The following TAF3 variants were observed in gnomAD, a reference collection of about 807,000 sequenced individuals.
TAF3 encodes the protein TATA-box binding protein associated factor 3, also known as transcription initiation factor TFIID subunit 3.
TAF3 carries 7 observed loss-of-function variants against 80.6 expected under a neutral mutation model. That is an observed-to-expected ratio of 0.09 (90% CI 0.05 to 0.16). TAF3 has a LOEUF of 0.16. Among genes scored for constraint, TAF3 ranks in the 10% least tolerant of loss-of-function variants. TAF3 has a pLI of 1.00. For missense variants in TAF3, 921 were observed against 1,140.2 expected, an observed-to-expected ratio of 0.81 and a Z score of 2.77; for synonymous variants, 444 against 446.1, an observed-to-expected ratio of 1.00 and a Z score of 0.06.
intron 2 of TAF3, among the ~76,000 whole-genome samples, chr10:7,952,662 A>T (rs1365757600): frequency 6.6e-6 from 1 of 152,178 alleles, no homozygotes; most frequent in East Asian, 1.9e-4. Context: ...GTGAAATAGT[A>T]CTTTTTTACA....
At chr10:7,985,305 C>T (rs1026723384) in intron 4 of TAF3, among the ~76,000 whole-genome samples, 7 of 152,130 alleles carry the variant, frequency 4.6e-5, no homozygotes, top group Non-Finnish European at 7.4e-5. Flanking sequence ...TATGGTCAGC[C>T]CTCCTCAGCT....
intron 2 of TAF3, among the ~76,000 whole-genome samples, chr10:7,939,423 C>A (rs932877842): frequency 6.6e-6 from 1 of 152,044 alleles, no homozygotes; most frequent in Admixed American, 6.6e-5. Context: ...ACAATGTAGC[C>A]CGCCAGTTAG....
intron 4 of TAF3, among the ~76,000 whole-genome samples, chr10:7,992,169 C>T (rs368329849): frequency 3.3e-5 from 5 of 152,110 alleles, no homozygotes; most frequent in East Asian, 3.9e-4. Flanking sequence ...GTAAAAGCAC[C>T]CTCTTGTTTG....
At chr10:7,861,914 A>T (rs1837152157) in intron 2 of TAF3, among the ~76,000 whole-genome samples, 1 of 151,692 alleles carries the variant, frequency 6.6e-6, no homozygotes, top group African/African-American at 2.4e-5. Flanking sequence ...TCCTTCTGAG[A>T]CGCCAATTAA....
chr10:7,861,160 T>C (rs1372301771), intron 2 of TAF3, among the ~76,000 whole-genome samples: 1 of 152,122 alleles, frequency 6.6e-6, no homozygotes, highest in East Asian at 1.9e-4. Flanking sequence ...GAGATTGGGT[T>C]TCACTGTGTT....
At chr10:7,924,496 A>T (rs577936046) in intron 2 of TAF3, among the ~76,000 whole-genome samples, 1 of 152,184 alleles carries the variant, frequency 6.6e-6, no homozygotes, top group Non-Finnish European at 1.5e-5. Flanking sequence ...AATAACAAAC[A>T]TCAAAGTCAA....
chr10:7,949,448 G>A (rs1838060107), intron 2 of TAF3, among the ~76,000 whole-genome samples: 1 of 152,226 alleles, frequency 6.6e-6, no homozygotes, highest in Non-Finnish European at 1.5e-5. Flanking sequence ...TAGGGCAACA[G>A]CCAAGCAGGC....
chr10:7,995,131 T>C (rs973216367), intron 4 of TAF3, among the ~76,000 whole-genome samples: 7 of 152,214 alleles, frequency 4.6e-5, no homozygotes, highest in South Asian at 4.2e-4. Context: ...AGTTAAAGAC[T>C]AAGGTTTTTT....
intron 2 of TAF3, among the ~76,000 whole-genome samples, chr10:7,868,408 A>G (rs1156561800): frequency 6.6e-6 from 1 of 151,414 alleles, no homozygotes; most frequent in African/African-American, 2.4e-5. Context: ...GGTCAAGTCT[A>G]GTGACCATCA....
intron 2 of TAF3, among the ~76,000 whole-genome samples, chr10:7,908,132 T>C (rs554634455): frequency 3.3e-5 from 5 of 152,342 alleles, no homozygotes; most frequent in Admixed American, 6.5e-5. Context: ...CCTTCTCCAT[T>C]GCCATTTCCT....
In TAF3 at chr10:7,844,387, T is replaced by C. The variant is rs906135948; in HGVS notation, c.409+19827T>C. ...TCTTCTTCTTCTTGTTCTTTTTTTTTTTTTTTTTGAGACGGAGTCTTGCTC... is the reference window on the plus strand; with the variant it reads ...TCTTCTTCTTCTTGTTCTTTTTTTTCTTTTTTTTGAGACGGAGTCTTGCTC... On this transcript the variant is annotated intron_variant, in intron 2 of 6. Coordinates refer to ENST00000344293, the MANE Select transcript of TAF3 (RefSeq NM_031923.4). 1.4e-4 allele frequency among the ~76,000 whole-genome samples: 21 copies of C among 150,652 alleles called. No homozygotes were observed. The East Asian group carries it at 3.3e-3, about 24-fold the overall frequency.
rs1023833870 is a variant in TAF3 at position 7,902,411 on chromosome 10, G to GA, written c.410-61506dup. Reference sequence around the variant, plus strand: ...GCACTCTAGCCTGGGCAACAAGAGCGAAACTCTGTCTTAAAAAAAAATAAT... The same window carrying GA: ...GCACTCTAGCCTGGGCAACAAGAGCGAAAACTCTGTCTTAAAAAAAAATAAT... On this transcript the variant is annotated intron_variant, in intron 2 of 6. Transcript: ENST00000344293. Among the ~76,000 whole-genome samples the GA allele has an allele frequency of 4.6e-5, 7 of 151,874 alleles. No individual in the cohort carries two copies. The South Asian group carries it at 6.2e-4, about 14-fold the overall frequency.
intron 2 of TAF3, among the ~76,000 whole-genome samples, chr10:7,848,491 A>G (rs1347988464): frequency 6.6e-6 from 1 of 152,182 alleles, no homozygotes; most frequent in African/African-American, 2.4e-5. Flanking sequence ...TATTACCTGT[A>G]TATGGAGCCC....
In TAF3 at chr10:8,014,731, A is replaced by G. The variant is rs1192104178; in HGVS notation, c.2770A>G (p.Arg924Gly). ...NKKKDKKHKK[R>G]KHRAH The stretch of plus-strand genomic sequence containing the variant: ...GAAGAAGGACAAAAAGCACAAGAAG[A>G]GGAAGCATCGAGCCCACTGACGACT... The change falls in exon 7 of 7, where the codon AGG (arginine) becomes GGG (glycine). Residue 924 changes from arginine (R) to glycine (G), a missense_variant. By Grantham distance (125) the Arg-to-Gly change is moderately radical. Around this residue, in one of 6 missense-constraint regions of TAF3, gnomAD observed 29 missense variants for 20.3 expected, o/e 1.43. Coordinates refer to ENST00000344293, the MANE Select transcript of TAF3 (RefSeq NM_031923.4). 1.9e-6 allele frequency: 3 copies of G among 1,602,764 alleles called. No individual in the cohort carries two copies. The highest frequency in any genetic ancestry group is 2.3e-5 in the East Asian group (1 of 44,300).
At chr10:7,823,133 AC>A (rs1441837203) in intron 1 of TAF3, among the ~76,000 whole-genome samples, 6 of 152,028 alleles carry the variant, frequency 3.9e-5, no homozygotes, top group African/African-American at 1.4e-4. Context: ...CAAAAACCAA[AC>A]TTTTATGATC....
At chr10:7,959,095 G>A (rs911429720) in intron 2 of TAF3, among the ~76,000 whole-genome samples, 2 of 151,750 alleles carry the variant, frequency 1.3e-5, no homozygotes, top group East Asian at 1.9e-4. Flanking sequence ...AGCTGAGACC[G>A]TGCCATTGCA....
chr10:7,887,241 A>G (rs1176497270), intron 2 of TAF3, among the ~76,000 whole-genome samples: 1 of 151,814 alleles, frequency 6.6e-6, no homozygotes, highest in African/African-American at 2.4e-5. Flanking sequence ...TTAAAAAAAA[A>G]AAAAAAAGAA....
intron 4 of TAF3, among the ~76,000 whole-genome samples, chr10:7,993,723 T>C (rs1291054591): frequency 6.6e-6 from 1 of 152,178 alleles, no homozygotes; most frequent in Non-Finnish European, 1.5e-5. Context: ...GAATGTCTGA[T>C]TGTCACATTC....
chr10:7,870,255 C>T (rs1224962750), intron 2 of TAF3, among the ~76,000 whole-genome samples: 1 of 152,180 alleles, frequency 6.6e-6, no homozygotes, highest in Non-Finnish European at 1.5e-5. Flanking sequence ...GCATGAAATT[C>T]TCATCAGTCA....
Sources: gnomAD v4.1 joint callset for allele counts (sites outside exome capture counted in the v4.1 genomes callset) on GRCh38, gnomAD v4.1.1 for gene constraint, gnomAD v4.1.1 regional missense constraint, MANE v1.5 for transcripts, NCBI Gene and HGNC (gene_info 2026-07-23, HGNC 2026-07-21) for gene names.